The following NDUFA12 variants were observed in gnomAD, a reference collection of about 807,000 sequenced individuals.
NDUFA12 encodes NADH:ubiquinone oxidoreductase subunit A12, also known as NADH dehydrogenase [ubiquinone] 1 alpha subcomplex subunit 12.
Under a neutral mutation model 20.3 loss-of-function variants are expected in NDUFA12, and 17 were observed. The ratio of observed to expected loss-of-function variants is 0.84; its 90% CI spans 0.57 to 1.26. NDUFA12 has a LOEUF of 1.26. Among genes scored for constraint, NDUFA12 ranks in the 50% most tolerant of loss-of-function variants. The probability of loss-of-function intolerance (pLI) is 0.00; values close to 1 mark genes in which losing one functional copy is unlikely to be tolerated. For missense variants in NDUFA12, 191 were observed against 183.7 expected, an observed-to-expected ratio of 1.04 and a Z score of -0.23; for synonymous variants, 72 against 63.6, an observed-to-expected ratio of 1.13 and a Z score of -0.63.
intron 3 of NDUFA12, among the ~76,000 whole-genome samples, chr12:94,977,882 A>T (rs888247620): frequency 1.3e-5 from 2 of 152,192 alleles, no homozygotes; most frequent in African/African-American, 2.4e-5. Flanking sequence ...GGGGAAGAGT[A>T]TGGAGTATGA....
rs563301550 is a variant in NDUFA12 at position 94,999,499 on chromosome 12, C to A, written c.169+3240G>T. 2.0e-5 allele frequency among the ~76,000 whole-genome samples: 3 copies of A among 152,242 alleles called. No homozygotes were observed. The East Asian group carries it at 5.8e-4, about 29-fold the overall frequency. Reference sequence around the variant, plus strand: ...AATGGTACCTAATTAAACTAAAAAGCTTCTGTTCAGCAAAAGAAATAATCA... The same window carrying A: ...AATGGTACCTAATTAAACTAAAAAGATTCTGTTCAGCAAAAGAAATAATCA... On this transcript the variant is annotated intron_variant, in intron 2 of 3. Coordinates refer to ENST00000327772, the MANE Select transcript of NDUFA12 (RefSeq NM_018838.5).
intron 2 of NDUFA12, among the ~76,000 whole-genome samples, chr12:94,996,457 A>G (rs1188636539): frequency 1.3e-5 from 2 of 151,536 alleles, no homozygotes; most frequent in Non-Finnish European, 2.9e-5. Context: ...TACAGGCATG[A>G]GCCACCATGC....
intron 3 of NDUFA12, among the ~76,000 whole-genome samples, chr12:94,990,563 C>A (rs1024614956): frequency 2.0e-5 from 3 of 152,158 alleles, no homozygotes; most frequent in Non-Finnish European, 2.9e-5. Context: ...GCTGGAACTA[C>A]AGGCATGTAC....
chr12:94,972,420 C>T (rs1375974996), intron 3 of NDUFA12: 2 of 449,492 alleles, frequency 4.4e-6, no homozygotes, highest in African/African-American at 2.0e-5. Context: ...TGCTAGAGGC[C>T]GATTCTGGAT....
intron 2 of NDUFA12, among the ~76,000 whole-genome samples, chr12:94,998,304 C>G (rs773540192): frequency 6.6e-6 from 1 of 151,808 alleles, no homozygotes; most frequent in African/African-American, 2.4e-5. Context: ...AAACCCTCAA[C>G]AAAATTGGCA....
intron 3 of NDUFA12, among the ~76,000 whole-genome samples, chr12:94,990,271 G>GAA (rs67946703): frequency 5.3e-4 from 78 of 146,290 alleles, no homozygotes; most frequent in East Asian, 9.9e-4. Flanking sequence ...ATAGAATGTG[G>GAA]AAAAAAAAAA....
At chr12:94,996,369 TC>T (rs1874834087) in intron 2 of NDUFA12, among the ~76,000 whole-genome samples, 1 of 108,864 alleles carries the variant, frequency 9.2e-6, no homozygotes, top group South Asian at 3.0e-4. Context: ...GAGATGGGGG[TC>T]TCTATGTTGC....
intron 3 of NDUFA12, among the ~76,000 whole-genome samples, chr12:94,974,069 T>C (rs1387866604): frequency 6.7e-6 from 1 of 149,546 alleles, no homozygotes; most frequent in Non-Finnish European, 1.5e-5. Context: ...CCTCCTGGGC[T>C]CAAGTGATTC....
Position 94,994,176 on chromosome 12 carries a change from G to C in NDUFA12, c.251C>G (p.Pro84Arg). ...FWDVDGSMVP[P>R]EWHRWLHSMT... is the part of the protein sequence containing the mutation. ...AAATGTTGTCTTAGCTTACCATTCA[G>C]GAGGCACCATGCTTCCATCCACATC... The change falls in exon 3 of 4, where the codon CCT (proline) becomes CGT (arginine). Residue 84 changes from proline to arginine, a missense_variant. By Grantham distance (103) the Pro-to-Arg change is moderately radical (BLOSUM62 -2). Transcript: ENST00000327772. 1 of 1,613,794 alleles carries C rather than the reference G, an allele frequency of 6.2e-7. No individual in the cohort carries two copies. The highest frequency in any genetic ancestry group is 8.5e-7 in the Non-Finnish European group (1 of 1,179,728).
intron 3 of NDUFA12, among the ~76,000 whole-genome samples, chr12:94,984,580 C>G (rs957730702): frequency 6.6e-6 from 1 of 151,648 alleles, no homozygotes; most frequent in Non-Finnish European, 1.5e-5. Context: ...CAGGGCTCCT[C>G]AGAGAAATGG....
Position 94,994,218 on chromosome 12 carries a change from C to T in NDUFA12, c.209G>A (p.Gly70Asp). Residue 70 changes from glycine to aspartate, a missense_variant, in exon 3 of 4, where the codon GGC becomes GAC. Transcript: ENST00000327772. ...RWVVYTTEMN[G>D]KNTFWDVDGS... ...ATCCACATCCCAGAATGTGTTTTTGCCATTCATTTCAGTAGTATATACAAC... is the reference window on the plus strand; with the variant it reads ...ATCCACATCCCAGAATGTGTTTTTGTCATTCATTTCAGTAGTATATACAAC... 1 of 1,614,148 alleles carries T rather than the reference C, an allele frequency of 6.2e-7. No homozygotes were observed. The highest frequency in any genetic ancestry group is 8.5e-7 in the Non-Finnish European group (1 of 1,180,008).
intron 3 of NDUFA12, among the ~76,000 whole-genome samples, chr12:94,988,040 C>T (rs1187281448): frequency 6.6e-6 from 1 of 152,126 alleles, no homozygotes; most frequent in African/African-American, 2.4e-5. Context: ...AAGCCCAAGT[C>T]CCTTTGTCTT....
At chr12:95,000,887 G>A (rs1019672653) in intron 2 of NDUFA12, among the ~76,000 whole-genome samples, 4 of 152,204 alleles carry the variant, frequency 2.6e-5, no homozygotes, top group South Asian at 2.1e-4. Context: ...TCCAAAACAC[G>A]TATACATATG....
chr12:94,999,840 G>T (rs1044370758), intron 2 of NDUFA12, among the ~76,000 whole-genome samples: 16 of 152,168 alleles, frequency 1.1e-4, no homozygotes, highest in Non-Finnish European at 1.3e-4. Context: ...TGGTAGTGTG[G>T]ATGTGGTGAA....
chr12:94,994,473 T>C, intron 2 of NDUFA12: 1 of 524,930 alleles, frequency 1.9e-6, no homozygotes, highest in South Asian at 2.1e-5. Context: ...AGGACTGAGA[T>C]GATTCACTGC....
intron 2 of NDUFA12, among the ~76,000 whole-genome samples, chr12:94,994,934 G>A (rs1005047378): frequency 1.3e-5 from 2 of 152,148 alleles, no homozygotes; most frequent in Non-Finnish European, 2.9e-5. Flanking sequence ...CAAATTTTAT[G>A]AGCCTCAGTT....
chr12:94,972,945 A>G (rs1873938983), intron 3 of NDUFA12, among the ~76,000 whole-genome samples: 1 of 151,952 alleles, frequency 6.6e-6, no homozygotes, highest in South Asian at 2.1e-4. Flanking sequence ...CCAGCCTCTA[A>G]GACCTGGAGC....
intron 2 of NDUFA12, 22 bp from the exon 3 acceptor site, chr12:94,994,279 T>C (rs1346426294): frequency 1.2e-6 from 2 of 1,605,420 alleles, no homozygotes; most frequent in South Asian, 2.2e-5. Context: ...GATGAACATT[T>C]AAAAAGAAAA....
intron 3 of NDUFA12, among the ~76,000 whole-genome samples, chr12:94,976,119 T>C (rs961422901): frequency 5.3e-5 from 8 of 152,218 alleles, no homozygotes; most frequent in African/African-American, 1.7e-4. Flanking sequence ...ATTTGCCTAA[T>C]TTATTTAATA....
Sources: gnomAD v4.1 joint callset for allele counts (sites outside exome capture counted in the v4.1 genomes callset) on GRCh38, gnomAD v4.1.1 for gene constraint, MANE v1.5 for transcripts, NCBI Gene and HGNC (gene_info 2026-07-23, HGNC 2026-07-21) for gene names.